Variants in MAF observed in about 807,000 individuals in gnomAD.
MAF encodes the protein transcription factor Maf.
In MAF, 10 loss-of-function variants were observed where a neutral mutation model predicts 22.0. The ratio of observed to expected loss-of-function variants is 0.45; its 90% confidence interval spans 0.28 to 0.77. The LOEUF (loss-of-function observed/expected upper bound fraction) is 0.77. MAF is among the 30% of genes least tolerant of loss of function. The pLI is 0.12. For synonymous variants in MAF, 337 were observed against 255.8 expected (o/e 1.32, Z -3.03); for missense variants, 544 against 548.4 (o/e 0.99, Z 0.08).
chr16:79,595,130 A>C, intron 1 of MAF: 3 of 1,040,234 alleles, frequency 2.9e-6, no homozygotes, highest in Non-Finnish European at 3.5e-6. Context: ...TGAGGAAAAA[A>C]AAAAAAAAAG....
At chr16:79,383,426 T>C in the MAF span, among the ~76,000 whole-genome samples, 3 of 152,254 alleles carry the variant, frequency 2.0e-5, no homozygotes, top group African/African-American at 7.2e-5. Context: ...AAATGAAGGA[T>C]GGGTTTCAGA....
the MAF span, among the ~76,000 whole-genome samples, chr16:79,296,393 C>T: frequency 6.6e-6 from 1 of 152,026 alleles, no homozygotes; most frequent in Non-Finnish European, 1.5e-5. Context: ...GGGAGAGCAT[C>T]AGGATAAATA....
At chr16:79,578,198 T>G in the MAF span, among the ~76,000 whole-genome samples, 1 of 152,232 alleles carries the variant, frequency 6.6e-6, no homozygotes, top group Non-Finnish European at 1.5e-5. Context: ...AACATGTTAT[T>G]GTATACCTAT....
the MAF span, among the ~76,000 whole-genome samples, chr16:79,577,321 G>A: frequency 6.6e-6 from 1 of 152,138 alleles, no homozygotes; most frequent in African/African-American, 2.4e-5. Flanking sequence ...TGAAAAACGG[G>A]CTGCTTAACT....
the MAF span, among the ~76,000 whole-genome samples, chr16:79,306,776 T>C: frequency 4.4e-3 from 663 of 152,268 alleles, 2 homozygotes; most frequent in Non-Finnish European, 5.9e-3. Flanking sequence ...CAACATAAAG[T>C]AGTGACACTG....
the MAF span, among the ~76,000 whole-genome samples, chr16:79,240,121 G>C: frequency 6.6e-6 from 1 of 151,860 alleles, no homozygotes; most frequent in Non-Finnish European, 1.5e-5. Context: ...AATGGCATTG[G>C]GGGTTTAGGG....
At chr16:79,418,918 C>G in the MAF span, among the ~76,000 whole-genome samples, 1 of 152,212 alleles carries the variant, frequency 6.6e-6, no homozygotes, top group Admixed American at 6.5e-5. Flanking sequence ...GCTGCCTTCC[C>G]CATAATAAAA....
the MAF span, among the ~76,000 whole-genome samples, chr16:79,508,934 A>G: frequency 3.3e-5 from 5 of 152,340 alleles, no homozygotes; most frequent in Admixed American, 6.5e-5. Context: ...TTGGAACTGT[A>G]TAGAGGTGAT....
the MAF span, among the ~76,000 whole-genome samples, chr16:79,233,396 A>G: frequency 6.6e-6 from 1 of 152,038 alleles, no homozygotes; most frequent in African/African-American, 2.4e-5. Flanking sequence ...GCAGGTGGTA[A>G]CATTACACTG....
chr16:79,337,225 T>C, the MAF span, among the ~76,000 whole-genome samples: 2 of 152,162 alleles, frequency 1.3e-5, no homozygotes, highest in Admixed American at 1.3e-4. Flanking sequence ...ACAATCTCTC[T>C]ACTCAGACTA....
chr16:79,335,543 G>C, the MAF span, among the ~76,000 whole-genome samples: 3 of 152,186 alleles, frequency 2.0e-5, no homozygotes, highest in Admixed American at 2.0e-4. Flanking sequence ...TGATGTTTCA[G>C]TCCAGCTGGA....
the MAF span, among the ~76,000 whole-genome samples, chr16:79,524,462 G>C: frequency 6.6e-6 from 1 of 152,142 alleles, no homozygotes; most frequent in East Asian, 1.9e-4. Context: ...CCAAATGGGA[G>C]CTCGGCATGA....
chr16:79,451,352 G>C, the MAF span, among the ~76,000 whole-genome samples: 3 of 152,150 alleles, frequency 2.0e-5, no homozygotes, highest in Non-Finnish European at 4.4e-5. Context: ...ATGGTAAAAG[G>C]GTGACAGCAG....
the MAF span, among the ~76,000 whole-genome samples, chr16:79,266,401 G>T: frequency 2.0e-4 from 31 of 152,286 alleles, no homozygotes; most frequent in African/African-American, 7.5e-4. Context: ...TAATAGAGGG[G>T]TTCTGAGGAC....
chr16:79,380,430 T>C, the MAF span, among the ~76,000 whole-genome samples: 3 of 152,252 alleles, frequency 2.0e-5, no homozygotes, highest in African/African-American at 7.2e-5. Flanking sequence ...CATTAGCTTA[T>C]TCAATTTTTC....
At chr16:79,238,990 T>G in the MAF span, among the ~76,000 whole-genome samples, 1 of 152,008 alleles carries the variant, frequency 6.6e-6, no homozygotes, top group Non-Finnish European at 1.5e-5. Flanking sequence ...CACATCTTGT[T>G]GTCCTCACCG....
chr16:79,491,455 C>T, the MAF span, among the ~76,000 whole-genome samples: 1 of 152,160 alleles, frequency 6.6e-6, no homozygotes, highest in Non-Finnish European at 1.5e-5. Flanking sequence ...GGCAGAGAGC[C>T]AGCTTCGCAG....
At chr16:79,410,536 G>T in the MAF span, among the ~76,000 whole-genome samples, 1 of 152,082 alleles carries the variant, frequency 6.6e-6, no homozygotes, top group Admixed American at 6.5e-5. Context: ...CCCTGCGCTG[G>T]GTACATATGT....
At chr16:79,348,614 G>T in the MAF span, among the ~76,000 whole-genome samples, 1 of 152,306 alleles carries the variant, frequency 6.6e-6, no homozygotes, top group Non-Finnish European at 1.5e-5. Context: ...CAAAGTGTCC[G>T]TATCATCATA....
Sources: gnomAD v4.1 joint callset for allele counts (sites outside exome capture counted in the v4.1 genomes callset) on GRCh38, gnomAD v4.1.1 for gene constraint, MANE v1.5 for transcripts, NCBI Gene and HGNC (gene_info 2026-07-23, HGNC 2026-07-21) for gene names.